Variants in NUP37 observed in about 807,000 individuals in gnomAD.
NUP37 encodes the protein nucleoporin Nup37.
Under a neutral mutation model 45.4 loss-of-function variants are expected in NUP37, and 33 were observed. That is an observed-to-expected ratio of 0.73 (90% CI 0.55 to 0.97). NUP37 has a LOEUF of 0.97. Among genes scored for constraint, NUP37 ranks in the 50% least tolerant of loss-of-function variants. The probability of loss-of-function intolerance (pLI) is 0.00; values close to 1 mark genes in which losing one functional copy is unlikely to be tolerated. For synonymous variants in NUP37, 127 were observed against 130.7 expected (o/e 0.97, Z 0.19); for missense variants, 365 against 389.7 (o/e 0.94, Z 0.53).
chr12:102,089,280 C>A (rs1355070444), intron 5 of NUP37, among the ~76,000 whole-genome samples: 1 of 152,172 alleles, frequency 6.6e-6, no homozygotes, highest in Non-Finnish European at 1.5e-5. Flanking sequence ...TGGAAGATTG[C>A]ACAGTGGCCA....
intron 2 of NUP37, among the ~76,000 whole-genome samples, chr12:102,114,050 C>CT (rs1880391747): frequency 6.6e-6 from 1 of 152,168 alleles, no homozygotes; most frequent in Non-Finnish European, 1.5e-5. Flanking sequence ...AAGAAAAACA[C>CT]TGTCAAATTT....
chr12:102,089,467 G>A (rs1305504226), intron 5 of NUP37, among the ~76,000 whole-genome samples: 1 of 145,696 alleles, frequency 6.9e-6, no homozygotes, highest in East Asian at 2.1e-4. Context: ...CGGCCGGGCA[G>A]AGGCGCTCCT....
intron 9 of NUP37, 68 bp downstream of exon 9, chr12:102,074,933 G>T: frequency 1.0e-6 from 1 of 963,538 alleles, no homozygotes; most frequent in Non-Finnish European, 1.5e-6. Context: ...GGGGCTATGA[G>T]TGGAAAAGTC....
chr12:102,099,471 C>T (rs1385530801), intron 4 of NUP37, among the ~76,000 whole-genome samples: 2 of 149,952 alleles, frequency 1.3e-5, no homozygotes, highest in African/African-American at 2.5e-5. Flanking sequence ...CACACACACA[C>T]ATTTTTATTG....
At chr12:102,077,243 C>G in intron 7 of NUP37, 79 bp downstream of exon 7, 3 of 1,425,030 alleles carry the variant, frequency 2.1e-6, no homozygotes, top group Non-Finnish European at 3.0e-6. Context: ...TCAGGTATAA[C>G]AGGATGGATG....
At chr12:102,117,807 CA>C (rs1399100235) in intron 2 of NUP37, among the ~76,000 whole-genome samples, 1 of 152,170 alleles carries the variant, frequency 6.6e-6, no homozygotes, top group African/African-American at 2.4e-5. Flanking sequence ...GTAAGTAAAG[CA>C]GGAGTAAACA....
intron 3 of NUP37, among the ~76,000 whole-genome samples, chr12:102,109,031 A>T (rs776808454): frequency 1.2e-4 from 18 of 152,214 alleles, no homozygotes; most frequent in African/African-American, 1.7e-4. Flanking sequence ...AAAATTAATA[A>T]TCTTACTGGG....
intron 3 of NUP37, among the ~76,000 whole-genome samples, chr12:102,104,276 T>G (rs1254084479): frequency 6.6e-6 from 1 of 152,216 alleles, no homozygotes; most frequent in South Asian, 2.1e-4. Context: ...TTTGGAGAAA[T>G]GTTCATTTAA....
At chr12:102,119,523 G>A (rs1011027342) in intron 1 of NUP37, 17 of 152,218 alleles carry the variant, frequency 1.1e-4, no homozygotes, top group African/African-American at 4.1e-4. Flanking sequence ...TAGAGTTTTT[G>A]GTTTTTTAAA....
intron 5 of NUP37, among the ~76,000 whole-genome samples, chr12:102,095,084 T>C (rs1022417489): frequency 2.0e-5 from 3 of 152,200 alleles, no homozygotes; most frequent in South Asian, 2.1e-4. Context: ...TAAATACTTG[T>C]TGATCTGACT....
chr12:102,112,288 C>T (rs997308444), intron 2 of NUP37, 56 bp from the exon 3 acceptor site: 4 of 1,384,208 alleles, frequency 2.9e-6, no homozygotes, highest in South Asian at 1.4e-5. Flanking sequence ...ATATAATATT[C>T]TGTATTTCAT....
intron 8 of NUP37, among the ~76,000 whole-genome samples, chr12:102,076,531 A>G (rs987735037): frequency 5.3e-5 from 8 of 152,250 alleles, no homozygotes; most frequent in African/African-American, 1.9e-4. Flanking sequence ...ATCAGGAAGC[A>G]TAATATATTC....
intron 8 of NUP37, among the ~76,000 whole-genome samples, chr12:102,076,361 T>A (rs905150390): frequency 6.6e-6 from 1 of 152,164 alleles, no homozygotes; most frequent in Non-Finnish European, 1.5e-5. Context: ...TGGAGTATTA[T>A]GAAAAAGAAC....
chr12:102,114,331 G>T (rs770983014), intron 2 of NUP37, among the ~76,000 whole-genome samples: 1 of 151,524 alleles, frequency 6.6e-6, no homozygotes, highest in Non-Finnish European at 1.5e-5. Flanking sequence ...GAATTACTGG[G>T]TGGTCATGGG....
chr12:102,105,531 A>T (rs1278580966), intron 3 of NUP37, among the ~76,000 whole-genome samples: 1 of 151,822 alleles, frequency 6.6e-6, no homozygotes, highest in African/African-American at 2.4e-5. Context: ...ACCCTGTCTC[A>T]ACAACAACAA....
chr12:102,107,526 T>C (rs981463538), intron 3 of NUP37, among the ~76,000 whole-genome samples: 4 of 152,210 alleles, frequency 2.6e-5, no homozygotes, highest in South Asian at 2.1e-4. Flanking sequence ...GTTTCAAGTA[T>C]GTTAAGGGTG....
chr12:102,093,555 T>C (rs1347924468), intron 5 of NUP37, among the ~76,000 whole-genome samples: 1 of 152,086 alleles, frequency 6.6e-6, no homozygotes, highest in Non-Finnish European at 1.5e-5. Context: ...ATTTCATCTT[T>C]AAGGAATTCA....
At chr12:102,089,311 C>A (rs1879570941) in intron 5 of NUP37, among the ~76,000 whole-genome samples, 1 of 151,060 alleles carries the variant, frequency 6.6e-6, no homozygotes, top group African/African-American at 2.5e-5. Context: ...CTCCTCACTT[C>A]CCAGACGGGG....
chr12:102,075,636 T>C (rs1689128811), intron 8 of NUP37, among the ~76,000 whole-genome samples: 2 of 152,234 alleles, frequency 1.3e-5, no homozygotes, highest in African/African-American at 4.8e-5. Flanking sequence ...TGTCATTTCA[T>C]TAAGTTCCAA....
Sources: allele counts gnomAD v4.1 joint callset (sites outside exome capture counted in the v4.1 genomes callset), GRCh38; gene constraint gnomAD v4.1.1; transcripts MANE v1.5; gene names NCBI Gene and HGNC (gene_info 2026-07-23, HGNC 2026-07-21).